Variants in PKHD1 observed in about 807,000 individuals in gnomAD.
PKHD1 encodes the protein PKHD1 ciliary IPT domain containing fibrocystin/polyductin, also known as fibrocystin.
In PKHD1, 291 loss-of-function variants were observed where a neutral mutation model predicts 412.0. That is an observed-to-expected ratio of 0.71 (90% CI 0.64 to 0.78). PKHD1 has a LOEUF of 0.78. PKHD1 is among the 30% of genes least tolerant of loss of function. PKHD1 has a pLI of 0.00. For missense variants in PKHD1, 4,825 were observed against 4,950.7 expected, an observed-to-expected ratio of 0.97 and a Z score of 0.76; for synonymous variants, 1,777 against 1,821.5, an observed-to-expected ratio of 0.98 and a Z score of 0.62.
intron 51 of PKHD1, among the ~76,000 whole-genome samples, chr6:51,834,908 G>T (rs1768922044): frequency 6.6e-6 from 1 of 152,152 alleles, no homozygotes. Flanking sequence ...GGGCTGAGTT[G>T]AGACATCTGA....
intron 53 of PKHD1, among the ~76,000 whole-genome samples, chr6:51,778,077 A>C (rs1169296691): frequency 6.6e-6 from 1 of 151,116 alleles, no homozygotes; most frequent in Non-Finnish European, 1.5e-5. Flanking sequence ...GTAAAAGCTG[A>C]TAAATGGAAA....
chr6:51,998,169 C>T lies in PKHD1; in HGVS notation c.5751+12140G>A, dbSNP rs114950518. Among the ~76,000 whole-genome samples, 848 of 152,192 alleles carry T rather than the reference C, an allele frequency of 5.6e-3. 7 individuals carry two copies. The highest frequency in any genetic ancestry group is 0.02 in the African/African-American group (818 of 41,514). On this transcript the variant is annotated intron_variant, in intron 35 of 66. Transcript: ENST00000371117. The stretch of plus-strand genomic sequence containing the variant: ...AAATCTCTTGGACAGAACAACTGTC[C>T]CCCATATGTTGAGGACGTATGTTCA...
Position 52,082,490 on chromosome 6 carries a change from G to T in PKHD1, c.183C>A (p.His61Gln). ...GCACCACCATGTTCACGTTCACCAG[G>T]TGTATCTCCAATTGAGAGCCATTGT... Reference protein sequence around the residue: ...YPNNGSQLEIHLVNVNMVVPA... With the variant: ...YPNNGSQLEIQLVNVNMVVPA... The change falls in exon 4 of 67, where the codon CAC becomes CAA. Residue 61 changes from histidine (H) to glutamine (Q), a missense_variant. Transcript: ENST00000371117. 1.2e-6 allele frequency: 2 copies of T among 1,613,868 alleles called. No individual in the cohort carries two copies. Among genetic ancestry groups the T allele is most frequent in the Non-Finnish European group, 8.5e-7 (1 of 1,179,776 alleles).
intron 50 of PKHD1, among the ~76,000 whole-genome samples, chr6:51,842,790 C>T (rs1770461301): frequency 6.6e-6 from 1 of 152,168 alleles, no homozygotes; most frequent in African/African-American, 2.4e-5. Flanking sequence ...CTTTGGGGGA[C>T]CCAGCTGCCT....
rs142522748 is a variant in PKHD1 at position 51,772,738 on chromosome 6, G to T, written c.8606C>A (p.Thr2869Lys). The change falls in exon 55 of 67, where the codon ACA (threonine) becomes AAA (lysine). Residue 2869 changes from threonine to lysine, a missense_variant. Coordinates refer to ENST00000371117, the MANE Select transcript of PKHD1 (RefSeq NM_138694.4). ...LYSAYPKNSW[T>K]HLGADIASGN... ...TGAGGCAATATCAGCTCCAAGATGTGTCCAGGAGTTCTTAGGATAAGCACT... is the reference window on the plus strand; with the variant it reads ...TGAGGCAATATCAGCTCCAAGATGTTTCCAGGAGTTCTTAGGATAAGCACT... 18,635 of 1,597,930 alleles carry T rather than the reference G, an allele frequency of 0.012. 163 individuals are homozygous for T. The highest frequency in any genetic ancestry group is 0.014 in the Non-Finnish European group (16,229 of 1,165,748).
chr6:51,633,854 C>T (rs1768220338), intron 64 of PKHD1, among the ~76,000 whole-genome samples: 1 of 152,002 alleles, frequency 6.6e-6, no homozygotes, highest in African/African-American at 2.4e-5. Context: ...AATAAAACCA[C>T]ATACAAAAAT....
intron 28 of PKHD1, among the ~76,000 whole-genome samples, chr6:52,033,512 G>A (rs1226366050): frequency 6.6e-6 from 1 of 152,000 alleles, no homozygotes; most frequent in Non-Finnish European, 1.5e-5. Flanking sequence ...TCTATACCTA[G>A]CTAAACTATC....
intron 52 of PKHD1, among the ~76,000 whole-genome samples, chr6:51,792,504 T>A (rs1793917732): frequency 6.6e-6 from 1 of 152,364 alleles, no homozygotes. Flanking sequence ...CATGCCCTCC[T>A]GTGGCAGAGA....
At chr6:51,633,342 A>T (rs963735287) in intron 64 of PKHD1, among the ~76,000 whole-genome samples, 1 of 152,152 alleles carries the variant, frequency 6.6e-6, no homozygotes, top group Non-Finnish European at 1.5e-5. Flanking sequence ...TTCTCACCCC[A>T]TTATTATTTA....
chr6:51,626,211 C>T (rs1303502249), intron 66 of PKHD1, among the ~76,000 whole-genome samples: 1 of 152,098 alleles, frequency 6.6e-6, no homozygotes, highest in Non-Finnish European at 1.5e-5. Flanking sequence ...CTTAAACACG[C>T]ATTCAGAACC....
chr6:51,770,661 T>G (rs925240585), intron 55 of PKHD1, among the ~76,000 whole-genome samples: 1 of 151,932 alleles, frequency 6.6e-6, no homozygotes, highest in South Asian at 2.1e-4. Context: ...TATTATTTAT[T>G]TTATGGTTTC....
chr6:51,799,159 CCA>C (rs3062503), intron 52 of PKHD1, among the ~76,000 whole-genome samples: 1 of 150,734 alleles, frequency 6.6e-6, no homozygotes, highest in African/African-American at 2.4e-5. Context: ...AAAATTAACA[CCA>C]CACACACACA....
chr6:51,709,020 CT>C (rs1780338652), intron 60 of PKHD1, among the ~76,000 whole-genome samples: 1 of 152,186 alleles, frequency 6.6e-6, no homozygotes, highest in Admixed American at 6.5e-5. Flanking sequence ...CTATCTGACC[CT>C]TTTCAGAAAA....
At chr6:52,064,273 C>T (rs577166815) in intron 13 of PKHD1, among the ~76,000 whole-genome samples, 3 of 152,322 alleles carry the variant, frequency 2.0e-5, no homozygotes, top group African/African-American at 7.2e-5. Flanking sequence ...ATACCAACTG[C>T]CCTTCATCCC....
At chr6:51,857,244 G>A (rs192328575) in intron 48 of PKHD1, among the ~76,000 whole-genome samples, 96 of 152,116 alleles carry the variant, frequency 6.3e-4, no homozygotes, top group Middle Eastern at 6.8e-3. Context: ...CATTATGACT[G>A]TTCTTCCTCC....
chr6:51,800,021 G>A (rs1582765524), intron 52 of PKHD1, among the ~76,000 whole-genome samples: 1 of 152,268 alleles, frequency 6.6e-6, no homozygotes, highest in South Asian at 2.1e-4. Flanking sequence ...GGAACCATCT[G>A]GAATTTCTGT....
chr6:51,690,049 G>A (rs9357705), intron 60 of PKHD1, among the ~76,000 whole-genome samples: 40,482 of 151,774 alleles, frequency 0.27, 6,103 homozygotes, highest in South Asian at 0.4. Context: ...AGAGATGGGC[G>A]GATCACAGGG....
chr6:51,675,197 T>C (rs1582007929), intron 60 of PKHD1, among the ~76,000 whole-genome samples: 2 of 152,008 alleles, frequency 1.3e-5, no homozygotes, highest in Admixed American at 1.3e-4. Flanking sequence ...CTTAAGAGGG[T>C]GACAGACTTC....
At chr6:51,668,680 G>A (rs1290312013) in intron 60 of PKHD1, among the ~76,000 whole-genome samples, 1 of 152,146 alleles carries the variant, frequency 6.6e-6, no homozygotes, top group Non-Finnish European at 1.5e-5. Flanking sequence ...TTGGCTGTGG[G>A]TTTTTCATAG....
Sources: allele counts gnomAD v4.1 joint callset (sites outside exome capture counted in the v4.1 genomes callset), GRCh38; gene constraint gnomAD v4.1.1; transcripts MANE v1.5; gene names NCBI Gene and HGNC (gene_info 2026-07-23, HGNC 2026-07-21).